The following HPGDS variants were observed in gnomAD, a reference collection of about 807,000 sequenced individuals.
HPGDS encodes the protein GST class-sigma.
HPGDS carries 26 observed loss-of-function variants against 23.1 expected under a neutral mutation model. The ratio of observed to expected loss-of-function variants is 1.13; its 90% CI spans 0.83 to 1.56. HPGDS has a LOEUF of 1.56. Among genes scored for constraint, HPGDS ranks in the 40% most tolerant of loss-of-function variants. HPGDS has a pLI of 0.00. For synonymous variants in HPGDS, 95 were observed against 77.9 expected (o/e 1.22, Z -1.16); for missense variants, 268 against 236.4 (o/e 1.13, Z -0.88).
At chr4:94,309,122 T>C (rs1756204303) in intron 3 of HPGDS, among the ~76,000 whole-genome samples, 1 of 151,306 alleles carries the variant, frequency 6.6e-6, no homozygotes, top group South Asian at 2.1e-4. Flanking sequence ...AATTTATTTT[T>C]TTATTTTTTT....
At position 94,299,307 on chromosome 4, in the gene HPGDS, T is replaced by C. The variant is rs1249327655; in HGVS notation, c.*173A>G. ...AAGCTATTCTGAAAGAAAAAGATAC[T>C]GAAGAAAGATTTGTTTTTATTTTCC... On this transcript the variant is annotated 3_prime_UTR_variant, in exon 6 of 6. Coordinates refer to ENST00000295256, the MANE Select transcript of HPGDS (RefSeq NM_014485.3). 3.0e-5 allele frequency: 17 copies of C among 563,390 alleles called. No individual in the cohort carries two copies. The highest frequency in any genetic ancestry group is 6.6e-5 in the Admixed American group (2 of 30,390). 34.9% of individuals were successfully genotyped at this position (563,390 alleles called of 1,614,324 possible). A position where few individuals can be genotyped will look rare whatever the true frequency, so the allele number is the denominator to read the frequency against.
intron 5 of HPGDS, among the ~76,000 whole-genome samples, chr4:94,301,580 TACTC>T: frequency 1.3e-5 from 2 of 152,186 alleles, no homozygotes; most frequent in South Asian, 4.1e-4. Flanking sequence ...TACTTGACCT[TACTC>T]ACCTTACATC....
intron 2 of HPGDS, among the ~76,000 whole-genome samples, chr4:94,318,723 T>A (rs529477144): frequency 4.0e-4 from 61 of 152,120 alleles, no homozygotes; most frequent in South Asian, 4.0e-3. Flanking sequence ...ATTAAAAAAA[T>A]TTTTTTTGAG....
At position 94,334,569 on chromosome 4, in the gene HPGDS, T is replaced by C. The variant is rs1384993721; in HGVS notation, c.61A>G (p.Ile21Val). 2.5e-6 allele frequency: 4 copies of C among 1,613,350 alleles called. No individual in the cohort carries two copies. The highest frequency in any genetic ancestry group is 2.2e-5 in the South Asian group (2 of 91,026). ...TACTGTATGTCCAAATAAGCAAATATGTAACGAATAATTTCTGCTCTCCCC... is the reference window on the plus strand; with the variant it reads ...TACTGTATGTCCAAATAAGCAAATACGTAACGAATAATTTCTGCTCTCCCC... ...MRGRAEIIRYIFAYLDIQYED... is the reference protein window; with the variant it reads ...MRGRAEIIRYVFAYLDIQYED... Residue 21 changes from isoleucine to valine, a missense_variant, in exon 2 of 6, where the codon ATA (isoleucine) becomes GTA (valine). Physicochemically the swap from Ile to Val is conservative, Grantham distance 29. Coordinates refer to ENST00000295256, the MANE Select transcript of HPGDS (RefSeq NM_014485.3).
intron 2 of HPGDS, among the ~76,000 whole-genome samples, chr4:94,322,920 A>G (rs1756546578): frequency 6.6e-6 from 1 of 152,158 alleles, no homozygotes; most frequent in Non-Finnish European, 1.5e-5. Flanking sequence ...ATTTCCCTGT[A>G]CACACTGCTT....
At chr4:94,310,020 C>T (rs887705544) in intron 3 of HPGDS, among the ~76,000 whole-genome samples, 1 of 152,166 alleles carries the variant, frequency 6.6e-6, no homozygotes, top group African/African-American at 2.4e-5. Flanking sequence ...TTTATAGATT[C>T]TGGATATTAG....
At chr4:94,316,306 G>C (rs1157114677) in intron 3 of HPGDS, among the ~76,000 whole-genome samples, 2 of 152,282 alleles carry the variant, frequency 1.3e-5, no homozygotes, top group African/African-American at 2.4e-5. Context: ...TGTCTATGCT[G>C]TTCCTCTCCT....
chr4:94,313,996 T>C (rs1395645672), intron 3 of HPGDS, among the ~76,000 whole-genome samples: 3 of 152,202 alleles, frequency 2.0e-5, no homozygotes, highest in Non-Finnish European at 4.4e-5. Context: ...CATCAGGTCC[T>C]TTAAGGACTT....
chr4:94,315,826 C>G (rs994695726), intron 3 of HPGDS, among the ~76,000 whole-genome samples: 4 of 152,200 alleles, frequency 2.6e-5, no homozygotes, highest in Non-Finnish European at 4.4e-5. Context: ...ATTCTTCACT[C>G]ATTTTCATCC....
At chr4:94,325,338 T>A (rs995757556) in intron 2 of HPGDS, among the ~76,000 whole-genome samples, 8 of 152,336 alleles carry the variant, frequency 5.3e-5, no homozygotes, top group African/African-American at 1.9e-4. Context: ...GACGTTTAAG[T>A]CTGCAGAAGT....
chr4:94,327,104 C>T (rs1305505937), intron 2 of HPGDS, among the ~76,000 whole-genome samples: 1 of 151,980 alleles, frequency 6.6e-6, no homozygotes, highest in Non-Finnish European at 1.5e-5. Flanking sequence ...CTACAGTGGC[C>T]TGGGTGTGTG....
At position 94,324,565 on chromosome 4, in the gene HPGDS, G is replaced by A. The variant is rs547724454; in HGVS notation, c.134-6600C>T. Among the ~76,000 whole-genome samples, 9 of 152,192 alleles carry A rather than the reference G, an allele frequency of 5.9e-5. No homozygotes were observed. The South Asian group carries it at 1.9e-3, about 32-fold the overall frequency. ...TTGATCAAATCGGCTACTGAAGCTT[G>A]TGCACGCATCATGATGTTCTCATCC... On this transcript the variant is annotated intron_variant, in intron 2 of 5. Coordinates refer to ENST00000295256, the MANE Select transcript of HPGDS (RefSeq NM_014485.3).
At chr4:94,307,039 T>TG (rs1756152477) in intron 4 of HPGDS, among the ~76,000 whole-genome samples, 1 of 151,560 alleles carries the variant, frequency 6.6e-6, no homozygotes, top group South Asian at 2.1e-4. Flanking sequence ...TCTTTCAGAG[T>TG]GGAAAAAAAA....
chr4:94,316,321 A>G (rs1418722829), intron 3 of HPGDS, among the ~76,000 whole-genome samples: 6 of 152,222 alleles, frequency 3.9e-5, no homozygotes, highest in Admixed American at 3.9e-4. Context: ...TCTCCTGGTT[A>G]AATAGACTGC....
chr4:94,316,180 A>G (rs1756395166), intron 3 of HPGDS, among the ~76,000 whole-genome samples: 1 of 152,196 alleles, frequency 6.6e-6, no homozygotes, highest in Admixed American at 6.5e-5. Flanking sequence ...TGAGGAGGGT[A>G]TTGCAAGTTG....
chr4:94,336,703 C>T (rs1182035639), intron 1 of HPGDS, among the ~76,000 whole-genome samples: 1 of 152,006 alleles, frequency 6.6e-6, no homozygotes. Context: ...ATGAAATGCC[C>T]ATCAGAACAA....
intron 2 of HPGDS, among the ~76,000 whole-genome samples, chr4:94,322,470 T>C (rs1467385266): frequency 6.6e-6 from 1 of 152,232 alleles, no homozygotes; most frequent in East Asian, 1.9e-4. Context: ...GGGATTCAAC[T>C]TCTTCCTGGT....
intron 3 of HPGDS, among the ~76,000 whole-genome samples, chr4:94,309,953 T>G (rs1256797280): frequency 6.6e-6 from 1 of 152,166 alleles, no homozygotes; most frequent in Admixed American, 6.6e-5. Context: ...TGTTCATATC[T>G]TTCGCCCACT....
chr4:94,299,515 T>C lies in HPGDS; in HGVS notation c.565A>G (p.Asn189Asp), dbSNP rs1755989493. 1.9e-6 allele frequency: 3 copies of C among 1,613,698 alleles called. No individual in the cohort carries two copies. Among genetic ancestry groups the C allele is most frequent in the Non-Finnish European group, 8.5e-7 (1 of 1,179,920 alleles). ...GTTTGGGGCCTTCGTTTTATCCAGT[T>C]AGCGACGGCAGGAATGGCTTGGACT... is the stretch of plus-strand genomic sequence containing the variant. Reference protein sequence around the residue: ...KKVQAIPAVANWIKRRPQTKL With the variant: ...KKVQAIPAVADWIKRRPQTKL The change falls in exon 6 of 6, where the codon AAC becomes GAC. Residue 189 changes from asparagine to aspartate, a missense_variant. By Grantham distance (23) the Asn-to-Asp change is conservative. Transcript: ENST00000295256.
Sources: allele counts gnomAD v4.1 joint callset (sites outside exome capture counted in the v4.1 genomes callset), GRCh38; gene constraint gnomAD v4.1.1; transcripts MANE v1.5; gene names NCBI Gene and HGNC (gene_info 2026-07-23, HGNC 2026-07-21).